GALNT18: variants seen among roughly 807,000 people sequenced by gnomAD.
GALNT18 encodes polypeptide N-acetylgalactosaminyltransferase 18, also known as GalNAc-transferase 18.
Under a neutral mutation model 69.5 loss-of-function variants are expected in GALNT18, and 44 were observed. The observed-to-expected ratio is 0.63, with a 90% confidence interval of 0.50 to 0.81. The LOEUF is 0.81. Among genes scored for constraint, GALNT18 ranks in the 40% least tolerant of loss-of-function variants. The pLI is 0.00. For missense variants in GALNT18, 715 were observed against 810.0 expected (o/e 0.88, Z 1.42); for synonymous variants, 364 against 318.2 (o/e 1.14, Z -1.53).
At chr11:11,536,129 G>T (rs188016209) in intron 1 of GALNT18, among the ~76,000 whole-genome samples, 1 of 152,310 alleles carries the variant, frequency 6.6e-6, no homozygotes, top group East Asian at 1.9e-4. Flanking sequence ...TACAGGAAAT[G>T]ACATGAAATT....
In GALNT18 at chr11:11,590,718, G is replaced by A. The variant is rs151072651; in HGVS notation, c.235+30641C>T. ...AGAACACATATACAATGGTGGTCCCGTAAGATTACAATGGAGCCCAAAAAT... is the reference window on the plus strand; with the variant it reads ...AGAACACATATACAATGGTGGTCCCATAAGATTACAATGGAGCCCAAAAAT... On this transcript the variant is annotated intron_variant, in intron 1 of 10. Transcript: ENST00000227756. This position sits in a 1 kb window ranked among gnomAD's most constrained non-coding sequence, Gnocchi z 4.4. 1.3e-3 allele frequency among the ~76,000 whole-genome samples: 194 copies of A among 152,260 alleles called. No homozygotes were observed. Among genetic ancestry groups the A allele is most frequent in the African/African-American group, 4.3e-3 (178 of 41,550 alleles).
At chr11:11,512,782 T>G (rs1272699390) in intron 1 of GALNT18, among the ~76,000 whole-genome samples, 1 of 152,190 alleles carries the variant, frequency 6.6e-6, no homozygotes, top group Non-Finnish European at 1.5e-5. Flanking sequence ...CATGCTCTGC[T>G]ACTCTCCTAA....
At chr11:11,566,889 T>G (rs1156576359) in intron 1 of GALNT18, among the ~76,000 whole-genome samples, 1 of 152,230 alleles carries the variant, frequency 6.6e-6, no homozygotes, top group Non-Finnish European at 1.5e-5. Context: ...TGAGTACATT[T>G]TGATTACGTG....
chr11:11,508,620 C>G (rs1857113823), intron 1 of GALNT18, among the ~76,000 whole-genome samples: 1 of 152,216 alleles, frequency 6.6e-6, no homozygotes, highest in South Asian at 2.1e-4. Flanking sequence ...TAATCCCTCC[C>G]TTACAGATTC....
chr11:11,391,266 T>C (rs966209503), intron 3 of GALNT18, among the ~76,000 whole-genome samples: 3 of 152,262 alleles, frequency 2.0e-5, no homozygotes, highest in Non-Finnish European at 2.9e-5. Flanking sequence ...GTGATTTCTA[T>C]GTGCAAGGTA....
chr11:11,385,298 A>T (rs970191174), intron 3 of GALNT18, among the ~76,000 whole-genome samples: 6 of 146,224 alleles, frequency 4.1e-5, no homozygotes, highest in African/African-American at 1.5e-4. Context: ...TGGGGATCAA[A>T]TTTTTTTTTT....
rs1207111320 is a variant in GALNT18 at position 11,563,350 on chromosome 11, G to A, written c.235+58009C>T. ...CCAGTCATCTAAGTAAGGCTTGTTGGTAGAGGAACAGCCGAGATCTGGACA... is the reference window on the plus strand; with the variant it reads ...CCAGTCATCTAAGTAAGGCTTGTTGATAGAGGAACAGCCGAGATCTGGACA... On this transcript the variant is annotated intron_variant, in intron 1 of 10. Transcript: ENST00000227756. The surrounding 1 kb of genome is among the most constrained non-coding windows in gnomAD (Gnocchi z 4.6). Among the ~76,000 whole-genome samples the A allele has an allele frequency of 2.0e-5, 3 of 152,084 alleles. No individual in the cohort carries two copies. In the East Asian group the frequency reaches 5.8e-4, roughly 29 times the overall value.
At chr11:11,405,076 C>T (rs940736581) in intron 3 of GALNT18, among the ~76,000 whole-genome samples, 1 of 152,198 alleles carries the variant, frequency 6.6e-6, no homozygotes, top group Non-Finnish European at 1.5e-5. Flanking sequence ...AAGTCAGACT[C>T]AGTTACCTGA....
chr11:11,332,616 T>C lies in GALNT18; in HGVS notation c.1416+78A>G. On this transcript the variant is annotated intron_variant, in intron 8 of 10. Transcript: ENST00000227756. The surrounding 1 kb of genome is among the most constrained non-coding windows in gnomAD (Gnocchi z 4.3). Reference sequence around the variant, plus strand: ...CTTCATGTGAGCAGCTGAGAGGCTCTTTCCCTCCTCTCCCTTTCTTCACTA... The same window carrying C: ...CTTCATGTGAGCAGCTGAGAGGCTCCTTCCCTCCTCTCCCTTTCTTCACTA... 6.5e-7 allele frequency: 1 copy of C among 1,530,464 alleles called. No individual in the cohort carries two copies. Among genetic ancestry groups the C allele is most frequent in the South Asian group, 1.1e-5 (1 of 87,258 alleles). The allele number at this position is 1,530,464 out of a possible 1,614,324, so 94.8% of individuals were successfully genotyped here.
chr11:11,408,171 C>A (rs1322784888), intron 3 of GALNT18, among the ~76,000 whole-genome samples: 2 of 152,048 alleles, frequency 1.3e-5, no homozygotes, highest in Non-Finnish European at 2.9e-5. Context: ...TTTGAACCAG[C>A]CTGGTCAACT....
intron 1 of GALNT18, among the ~76,000 whole-genome samples, chr11:11,550,787 G>T (rs1858169695): frequency 6.6e-6 from 1 of 152,222 alleles, no homozygotes; most frequent in Non-Finnish European, 1.5e-5. Context: ...CAACAGAGCA[G>T]CTAAGTGTTA....
rs1855389249 is a variant in GALNT18, at chr11:11,435,920, C to T, written c.429-3133G>A. On this transcript the variant is annotated intron_variant, in intron 2 of 10. Transcript: ENST00000227756. The surrounding 1 kb of genome is among the most constrained non-coding windows in gnomAD (Gnocchi z 4.4). Reference sequence around the variant, plus strand: ...CACTGTAATCCCTTCAGGCCAAACGCCCTGACCTCCTTAAATCCTTCTTTT... The same window carrying T: ...CACTGTAATCCCTTCAGGCCAAACGTCCTGACCTCCTTAAATCCTTCTTTT... 6.6e-6 allele frequency among the ~76,000 whole-genome samples: 1 copy of T among 152,198 alleles called. No homozygotes were observed. Among genetic ancestry groups the T allele is most frequent in the Non-Finnish European group, 1.5e-5 (1 of 68,032 alleles).
intron 1 of GALNT18, among the ~76,000 whole-genome samples, chr11:11,455,919 T>C (rs1855915322): frequency 6.6e-6 from 1 of 152,012 alleles, no homozygotes; most frequent in Non-Finnish European, 1.5e-5. Context: ...AGAAACCCCA[T>C]CTCTACTAAA....
At chr11:11,355,363 G>A (rs1321395982) in intron 6 of GALNT18, among the ~76,000 whole-genome samples, 3 of 152,124 alleles carry the variant, frequency 2.0e-5, no homozygotes, top group African/African-American at 7.2e-5. Flanking sequence ...TGCTGAGGCT[G>A]TAACTCCCCA....
Position 11,465,672 on chromosome 11 carries a change from C to T in GALNT18, c.236-16736G>A, listed in dbSNP as rs1046078675. On this transcript the variant is annotated intron_variant, in intron 1 of 10. Coordinates refer to ENST00000227756, the MANE Select transcript of GALNT18 (RefSeq NM_198516.3). This position sits in a 1 kb window ranked among gnomAD's most constrained non-coding sequence, Gnocchi z 5.7. The stretch of plus-strand genomic sequence containing the variant: ...GTGCCCAGACCACTTCATACACTTG[C>T]TTCACCCACCTGTATAAGACATACC... 2.6e-5 allele frequency among the ~76,000 whole-genome samples: 4 copies of T among 152,128 alleles called. No individual in the cohort carries two copies. Among genetic ancestry groups the T allele is most frequent in the Non-Finnish European group, 5.9e-5 (4 of 68,022 alleles).
rs1859563392 is a variant in GALNT18, at chr11:11,598,822, TC to T, written c.235+22536del. Among the ~76,000 whole-genome samples, 1 of 152,064 alleles carries T rather than the reference TC, an allele frequency of 6.6e-6. No homozygotes were observed. The highest frequency in any genetic ancestry group is 2.4e-5 in the African/African-American group (1 of 41,314). ...ATTCACCTCAAAATAGTGTGCAATT[TC>T]CCTTTTCTTCTTCTATCCCTTGGTT... is the stretch of plus-strand genomic sequence containing the variant. On this transcript the variant is annotated intron_variant, in intron 1 of 10. Transcript: ENST00000227756. The surrounding 1 kb of genome is among the most constrained non-coding windows in gnomAD (Gnocchi z 4.8).
rs1856145748 is a variant in GALNT18, at chr11:11,465,893, C to T, written c.236-16957G>A. Among the ~76,000 whole-genome samples, 1 of 152,150 alleles carries T rather than the reference C, an allele frequency of 6.6e-6. No individual in the cohort carries two copies. Among genetic ancestry groups the T allele is most frequent in the South Asian group, 2.1e-4 (1 of 4,824 alleles). The stretch of plus-strand genomic sequence containing the variant: ...CTTCTTCCCTGGCCTCACTGCATGG[C>T]TCACCAGTGCTCTGCTCAACATAGG... On this transcript the variant is annotated intron_variant, in intron 1 of 10. Coordinates refer to ENST00000227756, the MANE Select transcript of GALNT18 (RefSeq NM_198516.3). This position sits in a 1 kb window ranked among gnomAD's most constrained non-coding sequence, Gnocchi z 5.7.
chr11:11,533,731 T>G (rs1857708322), intron 1 of GALNT18, among the ~76,000 whole-genome samples: 3 of 152,204 alleles, frequency 2.0e-5, no homozygotes, highest in Admixed American at 1.3e-4. Context: ...AGAAACAGAA[T>G]GAAAATGTTA....
intron 6 of GALNT18, among the ~76,000 whole-genome samples, chr11:11,355,991 T>C (rs982098297): frequency 1.3e-5 from 2 of 152,226 alleles, no homozygotes; most frequent in African/African-American, 4.8e-5. Context: ...TAGAAAAACT[T>C]GTGTGCAGGG....
Sources: gnomAD v4.1 joint callset for allele counts (sites outside exome capture counted in the v4.1 genomes callset) on GRCh38, gnomAD v4.1.1 for gene constraint, Gnocchi (gnomAD v3.1) non-coding constraint, MANE v1.5 for transcripts, NCBI Gene and HGNC (gene_info 2026-07-23, HGNC 2026-07-21) for gene names.